Variants in KDSR observed in about 807,000 individuals in gnomAD.
KDSR encodes the protein 3-dehydrosphinganine reductase.
In KDSR, 23 loss-of-function variants were observed where a neutral mutation model predicts 41.3. The ratio of observed to expected loss-of-function variants is 0.56; its 90% CI spans 0.40 to 0.79. The LOEUF (loss-of-function observed/expected upper bound fraction) is 0.79, where lower values mean the gene tolerates loss of function less well. Among genes scored for constraint, KDSR ranks in the 30% least tolerant of loss-of-function variants. The pLI, the probability that KDSR is intolerant of heterozygous loss-of-function variation, is 0.00. For missense variants in KDSR, 351 were observed against 416.8 expected (o/e 0.84, Z 1.37); for synonymous variants, 138 against 151.7 (o/e 0.91, Z 0.66).
intron 8 of KDSR, among the ~76,000 whole-genome samples, chr18:63,337,113 A>T (rs1217330588): frequency 0.023 from 2,909 of 127,232 alleles, 207 homozygotes; most frequent in Non-Finnish European, 0.027. Context: ...TATATATGTG[A>T]ATATATATAT....
intron 2 of KDSR, among the ~76,000 whole-genome samples, chr18:63,360,506 T>C (rs1914928646): frequency 6.6e-6 from 1 of 152,226 alleles, no homozygotes; most frequent in Non-Finnish European, 1.5e-5. Flanking sequence ...AATATGTCTA[T>C]AATGAAATAA....
chr18:63,338,321 C>T (rs770325012), intron 8 of KDSR, among the ~76,000 whole-genome samples: 2 of 152,184 alleles, frequency 1.3e-5, no homozygotes, highest in Non-Finnish European at 2.9e-5. Flanking sequence ...CAAAACAGCA[C>T]ATCATTTCTT....
At chr18:63,353,924 C>T (rs1015117889) in intron 5 of KDSR, among the ~76,000 whole-genome samples, 1 of 151,958 alleles carries the variant, frequency 6.6e-6, no homozygotes, top group Non-Finnish European at 1.5e-5. Context: ...TGTGAATATG[C>T]TGAATCCCTC....
At chr18:63,342,363 A>T (rs1914367321) in intron 7 of KDSR, among the ~76,000 whole-genome samples, 1 of 152,118 alleles carries the variant, frequency 6.6e-6, no homozygotes, top group Non-Finnish European at 1.5e-5. Flanking sequence ...GGGAACGTGC[A>T]GTGTGAGGTG....
intron 6 of KDSR, among the ~76,000 whole-genome samples, chr18:63,347,611 G>A (rs550101420): frequency 6.4e-4 from 97 of 151,728 alleles, no homozygotes; most frequent in Non-Finnish European, 1.1e-3. Context: ...GAAGATCACA[G>A]CTGTTTACAT....
intron 7 of KDSR, among the ~76,000 whole-genome samples, chr18:63,340,455 A>AAATTATTCACAATAC (rs1568277010): frequency 6.6e-6 from 1 of 152,244 alleles, no homozygotes; most frequent in Non-Finnish European, 1.5e-5. Flanking sequence ...ATTCACATTT[A>AAATTATTCACAATAC]CAAAGTATTC....
At chr18:63,359,550 TG>T (rs1914903751) in intron 3 of KDSR, 185 bp downstream of exon 3, 1 of 534,914 alleles carries the variant, frequency 1.9e-6, no homozygotes, top group Non-Finnish European at 3.3e-6. Context: ...TGAATGTGTG[TG>T]GGAGTCTATT....
intron 7 of KDSR, among the ~76,000 whole-genome samples, chr18:63,339,590 C>T (rs545969829): frequency 1.3e-5 from 2 of 152,334 alleles, no homozygotes; most frequent in East Asian, 1.9e-4. Context: ...ACTCAAAAAG[C>T]CTTCCCTAAA....
At chr18:63,345,171 TC>T (rs1431546741) in intron 6 of KDSR, 1 of 152,308 alleles carries the variant, frequency 6.6e-6, no homozygotes, top group Non-Finnish European at 1.5e-5. Context: ...GCCAAGTACC[TC>T]CCCTGTGGAC....
In KDSR at chr18:63,331,899, C is replaced by T; in HGVS notation, c.882G>A (p.Val294=). ...TAGTGCGGAAAAGGCCCATGGTGAC[C>T]ACCTGCAAGATAAAGAGAGAGCTTT... ...VTSITEGLQQ[V]VTMGLFRTIA... is the part of the protein sequence containing the mutation. The change falls in exon 10 of 10, where the codon GTG becomes GTA. Residue 294 remains valine, a splice_region_variant and synonymous_variant. Coordinates refer to ENST00000645214, the MANE Select transcript of KDSR (RefSeq NM_002035.4). The T allele has an allele frequency of 6.2e-7, 1 of 1,613,270 alleles. No homozygotes were observed. Among genetic ancestry groups the T allele is most frequent in the South Asian group, 1.1e-5 (1 of 90,820 alleles).
At chr18:63,332,602 C>T (rs527963821) in intron 9 of KDSR, among the ~76,000 whole-genome samples, 1 of 152,182 alleles carries the variant, frequency 6.6e-6, no homozygotes. Context: ...GAGGCCGAGG[C>T]GGGTGGATCA....
chr18:63,350,964 A>G lies in KDSR; in HGVS notation c.533T>C (p.Leu178Ser). 6.2e-7 allele frequency: 1 copy of G among 1,614,156 alleles called. No homozygotes were observed. The highest frequency in any genetic ancestry group is 8.5e-7 in the Non-Finnish European group (1 of 1,180,006). The part of the protein sequence containing the change: ...IVFVSSQAGQ[L>S]GLFGFTAYSA... ...GTAGGCTGTGAAACCGAATAATCCC[A>G]ACTGTCCTGCCTGGGAGGACACAAA... The change falls in exon 6 of 10, where the codon TTG becomes TCG. Residue 178 changes from leucine (L) to serine (S), a missense_variant. Leu to Ser is a moderately radical substitution (Grantham distance 145). Coordinates refer to ENST00000645214, the MANE Select transcript of KDSR (RefSeq NM_002035.4).
chr18:63,361,017 A>ATATATATATATAAAATATATATAT (rs761703297), intron 2 of KDSR, among the ~76,000 whole-genome samples: 68,365 of 106,142 alleles, frequency 0.64, 22,993 homozygotes, highest in South Asian at 0.72. Flanking sequence ...TATATATATA[A>ATATATATATATAAAATATATATAT]AATATATAAT....
Position 63,331,397 on chromosome 18 carries a change from A to G in KDSR, c.*385T>C. ...TATGGAAGGTTTAAACAAAGTCCTC[A>G]AGATTTCTTTATGTGCCAGAAAGTA... On this transcript the variant is annotated 3_prime_UTR_variant, in exon 10 of 10. Transcript: ENST00000645214. 1 of 234,574 alleles carries G rather than the reference A, an allele frequency of 4.3e-6. No individual in the cohort carries two copies. The highest frequency in any genetic ancestry group is 6.0e-5 in the East Asian group (1 of 16,618). 14.5% of individuals were successfully genotyped at this position (234,574 alleles called of 1,614,324 possible).
intron 5 of KDSR, among the ~76,000 whole-genome samples, chr18:63,352,894 C>T (rs1356886695): frequency 1.3e-5 from 2 of 150,776 alleles, no homozygotes; most frequent in South Asian, 2.1e-4. Context: ...AAGCCGGGCA[C>T]GGTGGCTCAT....
chr18:63,346,794 T>C (rs541288832), intron 6 of KDSR, among the ~76,000 whole-genome samples: 1 of 152,226 alleles, frequency 6.6e-6, no homozygotes, highest in Non-Finnish European at 1.5e-5. Flanking sequence ...GAGCACTTAC[T>C]GAATTACTTC....
In KDSR at chr18:63,331,832, G is replaced by C. The variant is rs527327017; in HGVS notation, c.949C>G (p.Arg317Gly). ...YLGSFDSIVR[R>G]CMMQREKSEN... ...GATTTTTCTCTCTGCATCATGCAGC[G>C]ACGAACTATGCTGTCAAAACTTCCA... The change falls in exon 10 of 10, where the codon CGC (arginine) becomes GGC (glycine). Residue 317 changes from arginine to glycine, a missense_variant. Transcript: ENST00000645214. 1.4e-5 allele frequency: 22 copies of C among 1,613,862 alleles called. No homozygotes were observed. The highest frequency in any genetic ancestry group is 1.9e-5 in the Non-Finnish European group (22 of 1,179,936).
In KDSR at chr18:63,330,867, G is replaced by C. The variant is rs1435467901; in HGVS notation, c.*915C>G. 4.5e-6 allele frequency: 1 copy of C among 224,094 alleles called. No homozygotes were observed. Among genetic ancestry groups the C allele is most frequent in the African/African-American group, 2.3e-5 (1 of 43,998 alleles). 13.9% of individuals were successfully genotyped at this position (224,094 alleles called of 1,614,324 possible). A position where few individuals can be genotyped will look rare whatever the true frequency, so the allele number is the denominator to read the frequency against. On this transcript the variant is annotated 3_prime_UTR_variant, in exon 10 of 10. Transcript: ENST00000645214. ...GTATAAGCAAAATTGGAAAGGAAGA[G>C]ATGGGAAAAACAAGTAGATGCTAAA...
chr18:63,329,350 T>C lies in KDSR; in HGVS notation c.*2432A>G. The C allele has an allele frequency of 4.8e-6, 1 of 208,576 alleles. No homozygotes were observed. Among genetic ancestry groups the C allele is most frequent in the East Asian group, 7.3e-5 (1 of 13,702 alleles). 12.9% of individuals were successfully genotyped at this position (208,576 alleles called of 1,614,324 possible). A position where few individuals can be genotyped will look rare whatever the true frequency, so the allele number is the denominator to read the frequency against. On this transcript the variant is annotated 3_prime_UTR_variant, in exon 10 of 10. Coordinates refer to ENST00000645214, the MANE Select transcript of KDSR (RefSeq NM_002035.4). ...CTATAATCAAATCCATGGATATTTC[T>C]TCAGGGAAAATTAAGTCACAATGAA...
Sources: gnomAD v4.1 joint callset for allele counts (sites outside exome capture counted in the v4.1 genomes callset) on GRCh38, gnomAD v4.1.1 for gene constraint, MANE v1.5 for transcripts, NCBI Gene and HGNC (gene_info 2026-07-23, HGNC 2026-07-21) for gene names.